RHOA: variants seen among roughly 807,000 people sequenced by gnomAD.
RHOA encodes the protein transforming protein RhoA.
Under a neutral mutation model 17.5 loss-of-function variants are expected in RHOA, and 3 were observed. The ratio of observed to expected loss-of-function variants is 0.17; its 90% CI spans 0.08 to 0.44. The LOEUF (loss-of-function observed/expected upper bound fraction) is 0.44. Among genes scored for constraint, RHOA ranks in the 20% least tolerant of loss-of-function variants. The pLI is 0.99. For synonymous variants in RHOA, 98 were observed against 88.4 expected (o/e 1.11, Z -0.61); for missense variants, 56 against 242.3 (o/e 0.23, Z 5.10).
At chr3:49,367,667 G>A (rs1389121303) in intron 3 of RHOA, among the ~76,000 whole-genome samples, 3 of 151,572 alleles carry the variant, frequency 2.0e-5, no homozygotes, top group African/African-American at 7.3e-5. Flanking sequence ...GATTACAAGT[G>A]CACGCCACCA....
chr3:49,360,747 T>C (rs923963886), intron 4 of RHOA, among the ~76,000 whole-genome samples: 1 of 150,078 alleles, frequency 6.7e-6, no homozygotes, highest in African/African-American at 2.4e-5. Flanking sequence ...CATGAGCCAC[T>C]GTACCCAGCC....
At chr3:49,390,179 G>C (rs1025967702) in intron 1 of RHOA, among the ~76,000 whole-genome samples, 1 of 151,452 alleles carries the variant, frequency 6.6e-6, no homozygotes, top group Non-Finnish European at 1.5e-5. Flanking sequence ...CTGTCACCCA[G>C]GCTGGAATGC....
chr3:49,411,607 C>A (rs909750487), intron 1 of RHOA, among the ~76,000 whole-genome samples: 1 of 151,758 alleles, frequency 6.6e-6, no homozygotes, highest in Non-Finnish European at 1.5e-5. Flanking sequence ...AGGAGACTAC[C>A]GGGCGCGCTT....
chr3:49,359,566 A>G lies in RHOA; in HGVS notation c.*643T>C, dbSNP rs1267289633. ...AAAAACCAATACACTTTCTTTGAGG[A>G]TGACAGTATTAGGAAATCCAATTAT... is the stretch of plus-strand genomic sequence containing the variant. On this transcript the variant is annotated 3_prime_UTR_variant, in exon 5 of 5. Transcript: ENST00000418115. 1 of 205,406 alleles carries G rather than the reference A, an allele frequency of 4.9e-6. No individual in the cohort carries two copies. The highest frequency in any genetic ancestry group is 1.0e-5 in the Non-Finnish European group (1 of 100,382). 12.7% of individuals were successfully genotyped at this position (205,406 alleles called of 1,614,324 possible).
intron 2 of RHOA, among the ~76,000 whole-genome samples, chr3:49,374,620 G>A (rs1055790854): frequency 7.2e-5 from 11 of 152,218 alleles, no homozygotes; most frequent in African/African-American, 2.6e-4. Context: ...TACTCTGGAG[G>A]CTGAGGCAAA....
chr3:49,403,038 T>A (rs369736635), intron 1 of RHOA, among the ~76,000 whole-genome samples: 92 of 136,088 alleles, frequency 6.8e-4, no homozygotes, highest in South Asian at 9.3e-4. Flanking sequence ...TTCCATCTCA[T>A]AAAAAAAAAA....
intron 1 of RHOA, among the ~76,000 whole-genome samples, chr3:49,379,125 A>G (rs1045552014): frequency 1.9e-4 from 29 of 152,182 alleles, no homozygotes; most frequent in African/African-American, 6.8e-4. Flanking sequence ...TATTGTCAAA[A>G]AATGTAAAGA....
intron 1 of RHOA, among the ~76,000 whole-genome samples, chr3:49,385,679 T>C (rs554831526): frequency 4.6e-5 from 7 of 151,390 alleles, no homozygotes; most frequent in Middle Eastern, 3.4e-3. Flanking sequence ...TTCAAGGTCG[T>C]AAAAAAAATA....
chr3:49,410,683 A>G (rs1245089409), intron 1 of RHOA, among the ~76,000 whole-genome samples: 2 of 152,252 alleles, frequency 1.3e-5, no homozygotes, highest in African/African-American at 4.8e-5. Context: ...TACACATTAC[A>G]CATCTGGGTG....
At chr3:49,409,969 C>T (rs760167764) in intron 1 of RHOA, among the ~76,000 whole-genome samples, 1 of 152,120 alleles carries the variant, frequency 6.6e-6, no homozygotes, top group Non-Finnish European at 1.5e-5. Flanking sequence ...AAAATCCAAA[C>T]AAAGCCATGA....
At chr3:49,383,157 G>T (rs1467493397) in intron 1 of RHOA, among the ~76,000 whole-genome samples, 2 of 152,132 alleles carry the variant, frequency 1.3e-5, no homozygotes, top group East Asian at 3.8e-4. Context: ...CTTTCGGCCA[G>T]GTGTGGTGGC....
At chr3:49,362,180 C>G (rs2047983788) in intron 4 of RHOA, among the ~76,000 whole-genome samples, 1 of 152,072 alleles carries the variant, frequency 6.6e-6, no homozygotes, top group African/African-American at 2.4e-5. Flanking sequence ...GAATGAGACT[C>G]CATATCAAAA....
At chr3:49,380,521 C>T (rs2048298532) in intron 1 of RHOA, among the ~76,000 whole-genome samples, 1 of 151,940 alleles carries the variant, frequency 6.6e-6, no homozygotes, top group East Asian at 1.9e-4. Flanking sequence ...GCCTGGCCAA[C>T]ATATGAAACC....
intron 4 of RHOA, among the ~76,000 whole-genome samples, chr3:49,362,160 C>G (rs556067808): frequency 4.6e-5 from 7 of 152,276 alleles, no homozygotes; most frequent in Non-Finnish European, 8.8e-5. Flanking sequence ...GCACTCCAGC[C>G]TGGGTGACAG....
chr3:49,367,720 C>T (rs1251549177), intron 3 of RHOA, among the ~76,000 whole-genome samples: 1 of 151,808 alleles, frequency 6.6e-6, no homozygotes, highest in Non-Finnish European at 1.5e-5. Context: ...AAGGGGTTCA[C>T]CATGTTGCCT....
chr3:49,387,937 C>G (rs1316401011), intron 1 of RHOA, among the ~76,000 whole-genome samples: 9 of 151,782 alleles, frequency 5.9e-5, no homozygotes, highest in Admixed American at 5.3e-4. Context: ...TGTCTTACAC[C>G]TGTTTACTCT....
intron 1 of RHOA, among the ~76,000 whole-genome samples, chr3:49,404,809 G>T (rs577020423): frequency 1.3e-5 from 2 of 150,742 alleles, no homozygotes; most frequent in East Asian, 3.9e-4. Context: ...GTGGCAGCAT[G>T]CACCTGTAGT....
intron 2 of RHOA, among the ~76,000 whole-genome samples, chr3:49,370,920 C>T (rs2048138048): frequency 6.6e-6 from 1 of 152,132 alleles, no homozygotes; most frequent in African/African-American, 2.4e-5. Context: ...GCTCTTCCAC[C>T]CCCGAACTTT....
Position 49,411,587 on chromosome 3 carries a change from G to A in RHOA, c.-3+233C>T, listed in dbSNP as rs548283991. The stretch of plus-strand genomic sequence containing the variant: ...CTCCACCAGGCCCGGCCGGGCGGGG[G>A]AAGGGGCACAGGAGACTACCGGGCG... On this transcript the variant is annotated intron_variant, in intron 1 of 4. Coordinates refer to ENST00000418115, the MANE Select transcript of RHOA (RefSeq NM_001664.4). 6.8e-3 allele frequency among the ~76,000 whole-genome samples: 1,031 copies of A among 151,992 alleles called. 4 individuals carry two copies. Among genetic ancestry groups the A allele is most frequent in the Non-Finnish European group, 0.012 (794 of 67,910 alleles).
Sources: allele counts gnomAD v4.1 joint callset (sites outside exome capture counted in the v4.1 genomes callset), GRCh38; gene constraint gnomAD v4.1.1; transcripts MANE v1.5; gene names NCBI Gene and HGNC (gene_info 2026-07-23, HGNC 2026-07-21).